Variants in RGS6 observed in about 807,000 individuals in gnomAD.
RGS6 encodes regulator of G-protein signaling 6.
A neutral mutation model predicts 78.5 loss-of-function variants in RGS6; 30 were observed. That is an observed-to-expected ratio of 0.38 (90% confidence interval 0.29 to 0.52). The LOEUF is 0.52. RGS6 is among the 20% of genes least tolerant of loss of function. The pLI is 0.85. For missense variants in RGS6, 495 were observed against 609.7 expected, an observed-to-expected ratio of 0.81 and a Z score of 1.98; for synonymous variants, 206 against 206.0, an observed-to-expected ratio of 1.00 and a Z score of 0.00.
chr14:72,530,933 T>A (rs2097174535), intron 15 of RGS6, among the ~76,000 whole-genome samples: 1 of 152,198 alleles, frequency 6.6e-6, no homozygotes, highest in Admixed American at 6.5e-5. Flanking sequence ...GGCATTTCAG[T>A]GAACATGTAT....
chr14:72,329,062 T>C (rs1007720643), intron 2 of RGS6, among the ~76,000 whole-genome samples: 11 of 152,126 alleles, frequency 7.2e-5, no homozygotes, highest in Admixed American at 2.6e-4. Flanking sequence ...TTAGTAGAGA[T>C]GGCGTTTCAC....
chr14:72,504,459 T>C (rs2096769871), intron 13 of RGS6, among the ~76,000 whole-genome samples: 1 of 152,226 alleles, frequency 6.6e-6, no homozygotes, highest in African/African-American at 2.4e-5. Flanking sequence ...CCAAATAAAA[T>C]TCAGCCAAAT....
At chr14:72,264,489 T>G (rs1558072) in intron 2 of RGS6, among the ~76,000 whole-genome samples, 3 of 151,748 alleles carry the variant, frequency 2.0e-5, no homozygotes, top group Non-Finnish European at 4.4e-5. Context: ...GTACAACTTA[T>G]TTTCCGGGAG....
chr14:72,431,696 T>C (rs2094648469), intron 3 of RGS6, among the ~76,000 whole-genome samples: 2 of 152,088 alleles, frequency 1.3e-5, no homozygotes, highest in Admixed American at 1.3e-4. Flanking sequence ...TAACCAGATG[T>C]TAGCTCTTAG....
chr14:72,053,016 TCTTTCTTTCTTTCC>T (rs2093382667), intron 2 of RGS6, among the ~76,000 whole-genome samples: 1 of 86,166 alleles, frequency 1.2e-5, no homozygotes, highest in Non-Finnish European at 2.4e-5. Flanking sequence ...TTTCTTTCCT[TCTTTCTTTCTTTCC>T]CCCTCCCTCC....
intron 2 of RGS6, among the ~76,000 whole-genome samples, chr14:72,023,592 G>T (rs1246005347): frequency 6.6e-6 from 1 of 152,226 alleles, no homozygotes; most frequent in Non-Finnish European, 1.5e-5. Context: ...CTGCTTGGCA[G>T]AAAGAAGGCG....
chr14:72,402,873 T>C (rs1265100316), intron 3 of RGS6, among the ~76,000 whole-genome samples: 1 of 139,142 alleles, frequency 7.2e-6, no homozygotes, highest in Non-Finnish European at 1.5e-5. Flanking sequence ...CTTGGCTCAC[T>C]GCAACCTCCA....
intron 2 of RGS6, among the ~76,000 whole-genome samples, chr14:72,243,997 C>T (rs1363294832): frequency 3.3e-5 from 5 of 152,112 alleles, no homozygotes; most frequent in Admixed American, 1.3e-4. Flanking sequence ...ATCAGTGACT[C>T]TAATTATGTA....
At chr14:72,388,395 CTCTA>C (rs1269968521) in intron 3 of RGS6, among the ~76,000 whole-genome samples, 1 of 152,206 alleles carries the variant, frequency 6.6e-6, no homozygotes, top group Non-Finnish European at 1.5e-5. Flanking sequence ...CACTTGTAAC[CTCTA>C]TCTATGACCT....
At chr14:71,987,172 T>A (rs1044809370) in intron 2 of RGS6, among the ~76,000 whole-genome samples, 7 of 152,210 alleles carry the variant, frequency 4.6e-5, no homozygotes, top group Non-Finnish European at 8.8e-5. Flanking sequence ...AATTTTTGTC[T>A]TTTTCATAGC....
Position 72,077,105 on chromosome 14 carries a change from A to G in RGS6, c.84+112230A>G, listed in dbSNP as rs188543695. Among the ~76,000 whole-genome samples, 551 of 151,882 alleles carry G rather than the reference A, an allele frequency of 3.6e-3. 1 individual carries two copies. Among genetic ancestry groups the G allele is most frequent in the African/African-American group, 0.013 (539 of 41,442 alleles). On this transcript the variant is annotated intron_variant, in intron 2 of 17. Transcript: ENST00000553525. ...ATTCCCTTTTTCCAGAGCCTTGCCA[A>G]CACTGGTTATTTATAACCCTTTCAA...
chr14:72,574,401 G>A, the RGS6 span, among the ~76,000 whole-genome samples: 1 of 152,170 alleles, frequency 6.6e-6, no homozygotes, highest in Non-Finnish European at 1.5e-5. Context: ...CCAGCAACTG[G>A]CATTGCAAAG....
intron 2 of RGS6, among the ~76,000 whole-genome samples, chr14:72,066,583 T>C (rs1341479771): frequency 6.6e-6 from 1 of 151,104 alleles, no homozygotes; most frequent in Non-Finnish European, 1.5e-5. Context: ...GGAATAGCTC[T>C]GCCTGGAAGG....
intron 2 of RGS6, among the ~76,000 whole-genome samples, chr14:72,227,777 G>A (rs1189608452): frequency 1.3e-5 from 2 of 152,122 alleles, no homozygotes; most frequent in African/African-American, 4.8e-5. Flanking sequence ...GCATATAACT[G>A]GATGTGTCTG....
intron 2 of RGS6, among the ~76,000 whole-genome samples, chr14:72,168,570 T>A (rs2096962674): frequency 6.6e-6 from 1 of 152,258 alleles, no homozygotes; most frequent in East Asian, 1.9e-4. Flanking sequence ...ATGTTGATTA[T>A]GTGCTGACAC....
intron 1 of RGS6, among the ~76,000 whole-genome samples, chr14:71,945,250 G>A (rs1175578291): frequency 6.6e-6 from 1 of 152,058 alleles, no homozygotes; most frequent in Non-Finnish European, 1.5e-5. Context: ...TGCATTATAT[G>A]TACTTATATA....
chr14:72,381,605 C>A (rs968392328), intron 3 of RGS6, among the ~76,000 whole-genome samples: 1 of 152,004 alleles, frequency 6.6e-6, no homozygotes, highest in Non-Finnish European at 1.5e-5. Flanking sequence ...TATCTTTCAA[C>A]AAGAGCAAAA....
intron 14 of RGS6, among the ~76,000 whole-genome samples, chr14:72,513,524 G>A (rs893801356): frequency 2.6e-5 from 4 of 152,130 alleles, no homozygotes; most frequent in Non-Finnish European, 5.9e-5. Context: ...CCTTTGCACC[G>A]AGTGGACCCA....
intron 3 of RGS6, among the ~76,000 whole-genome samples, chr14:72,380,333 A>G (rs2085740425): frequency 6.6e-6 from 1 of 152,122 alleles, no homozygotes; most frequent in Admixed American, 6.6e-5. Context: ...ATTATATCAA[A>G]CTAAAAAGCT....
Sources: gnomAD v4.1 joint callset for allele counts (sites outside exome capture counted in the v4.1 genomes callset) on GRCh38, gnomAD v4.1.1 for gene constraint, MANE v1.5 for transcripts, NCBI Gene and HGNC (gene_info 2026-07-23, HGNC 2026-07-21) for gene names.